The following CDK8 variants were observed in gnomAD, a reference collection of about 807,000 sequenced individuals.
The protein encoded by CDK8 is cyclin-dependent kinase 8.
In CDK8, 29 loss-of-function variants were observed where a neutral mutation model predicts 71.5. That is an observed-to-expected ratio of 0.41 (90% CI 0.30 to 0.55). The LOEUF is 0.55. CDK8 is among the 20% of genes least tolerant of loss of function. CDK8 has a pLI of 0.37. For synonymous variants in CDK8, 161 were observed against 192.1 expected, an observed-to-expected ratio of 0.84 and a Z score of 1.34; for missense variants, 288 against 572.6, an observed-to-expected ratio of 0.50 and a Z score of 5.07.
intron 9 of CDK8, among the ~76,000 whole-genome samples, chr13:26,398,570 T>G (rs1019763110): frequency 2.6e-5 from 4 of 152,208 alleles, no homozygotes; most frequent in African/African-American, 9.7e-5. Flanking sequence ...AATAGCAAAT[T>G]CAGGCCTTTC....
intron 1 of CDK8, among the ~76,000 whole-genome samples, chr13:26,263,749 C>CTT (rs577266586): frequency 3.0e-5 from 4 of 131,928 alleles, no homozygotes; most frequent in Admixed American, 1.5e-4. Flanking sequence ...AAAAGACTCC[C>CTT]TTTTTTTTTT....
intron 1 of CDK8, among the ~76,000 whole-genome samples, chr13:26,276,122 A>G (rs778614719): frequency 2.0e-5 from 3 of 152,186 alleles, no homozygotes. Context: ...CGGCCTCCCA[A>G]AGTGCTGGGA....
At chr13:26,372,629 G>A (rs956819089) in intron 4 of CDK8, among the ~76,000 whole-genome samples, 3 of 152,150 alleles carry the variant, frequency 2.0e-5, no homozygotes, top group African/African-American at 7.2e-5. Flanking sequence ...TGCACTGACA[G>A]TATAATGCAG....
At chr13:26,270,466 A>G (rs1297579792) in intron 1 of CDK8, among the ~76,000 whole-genome samples, 5 of 151,854 alleles carry the variant, frequency 3.3e-5, no homozygotes, top group Non-Finnish European at 7.4e-5. Context: ...TTGTGCAGCT[A>G]TTACCGCAAT....
chr13:26,365,908 A>G lies in CDK8; in HGVS notation c.456+12028A>G, dbSNP rs556448744. Among the ~76,000 whole-genome samples the G allele has an allele frequency of 5.9e-5, 9 of 152,176 alleles. No individual in the cohort carries two copies. The South Asian group carries it at 1.9e-3, about 32-fold the overall frequency. On this transcript the variant is annotated intron_variant, in intron 4 of 12. Coordinates refer to ENST00000381527, the MANE Select transcript of CDK8 (RefSeq NM_001260.3). ...GGACTTTCACATTAGCAAAACAAATATATCACAATACCAAGAAACTCTCTC... is the reference window on the plus strand; with the variant it reads ...GGACTTTCACATTAGCAAAACAAATGTATCACAATACCAAGAAACTCTCTC...
chr13:26,379,369 C>T (rs888144669), intron 4 of CDK8, among the ~76,000 whole-genome samples: 1 of 152,092 alleles, frequency 6.6e-6, no homozygotes, highest in Non-Finnish European at 1.5e-5. Flanking sequence ...GAGCTTGGGC[C>T]CCAAACTCTA....
At chr13:26,319,393 C>T (rs1009010290) in intron 1 of CDK8, among the ~76,000 whole-genome samples, 1 of 151,522 alleles carries the variant, frequency 6.6e-6, no homozygotes, top group Admixed American at 6.6e-5. Flanking sequence ...TGCTTGAACT[C>T]GGGAGGCGGA....
chr13:26,306,869 T>G (rs1874068345), intron 1 of CDK8, among the ~76,000 whole-genome samples: 2 of 152,128 alleles, frequency 1.3e-5, no homozygotes, highest in Admixed American at 1.3e-4. Flanking sequence ...CCTCAAGTGA[T>G]CTGCCTGCCT....
chr13:26,383,571 G>A (rs961913772), intron 5 of CDK8, among the ~76,000 whole-genome samples: 2 of 151,892 alleles, frequency 1.3e-5, no homozygotes, highest in Non-Finnish European at 2.9e-5. Flanking sequence ...TTGTGTATTT[G>A]TAGAAGAAAT....
intron 4 of CDK8, 62 bp downstream of exon 4, chr13:26,353,942 T>C: frequency 7.0e-7 from 1 of 1,433,968 alleles, no homozygotes; most frequent in Non-Finnish European, 9.8e-7. Context: ...ACTTTTCTAG[T>C]CGTCTGTAGA....
chr13:26,338,982 G>GAA (rs60219211), intron 2 of CDK8, among the ~76,000 whole-genome samples: 2 of 151,890 alleles, frequency 1.3e-5, no homozygotes, highest in Non-Finnish European at 2.9e-5. Flanking sequence ...TTTTTTATTA[G>GAA]AAAAAAACTC....
chr13:26,298,557 C>G (rs1186424465), intron 1 of CDK8, among the ~76,000 whole-genome samples: 1 of 152,044 alleles, frequency 6.6e-6, no homozygotes, highest in African/African-American at 2.4e-5. Context: ...ACACAAAATT[C>G]AGTTTTTTCC....
At position 26,346,196 on chromosome 13, in the gene CDK8, G is replaced by A. The variant is rs570901162; in HGVS notation, c.205-2876G>A. Among the ~76,000 whole-genome samples, 3 of 152,218 alleles carry A rather than the reference G, an allele frequency of 2.0e-5. No homozygotes were observed. The South Asian group carries it at 6.2e-4, about 32-fold the overall frequency. ...CCCTGTTTTCTCGTTTGTAAAATAG[G>A]GGTTATATAAATATTTCATGGGGCT... On this transcript the variant is annotated intron_variant, in intron 2 of 12. Transcript: ENST00000381527.
rs1281021071 is a variant in CDK8, at chr13:26,254,165, G to A, written c.-477G>A. ...GGCTGTTGTGCGGCTCTGCCCTTCT[G>A]TTTGAGTGTATGGGAGAGTGAGTGA... On this transcript the variant is annotated 5_prime_UTR_variant, in exon 1 of 13. Transcript: ENST00000381527. This position sits in a 1 kb window ranked among gnomAD's most constrained non-coding sequence, Gnocchi z 6.7. 1 of 232,894 alleles carries A rather than the reference G, an allele frequency of 4.3e-6. No homozygotes were observed. Among genetic ancestry groups the A allele is most frequent in the Non-Finnish European group, 8.5e-6 (1 of 117,754 alleles). The allele number at this position is 232,894 out of a possible 1,614,324, so 14.4% of individuals were successfully genotyped here. A position where few individuals can be genotyped will look rare whatever the true frequency, so the allele number is the denominator to read the frequency against.
At chr13:26,391,220 A>G (rs1593308873) in intron 6 of CDK8, among the ~76,000 whole-genome samples, 1 of 152,030 alleles carries the variant, frequency 6.6e-6, no homozygotes, top group Admixed American at 6.6e-5. Context: ...GCAAGGTTCA[A>G]TAAGTTATTT....
intron 1 of CDK8, among the ~76,000 whole-genome samples, chr13:26,322,475 G>C (rs1874820244): frequency 6.6e-6 from 1 of 151,994 alleles, no homozygotes; most frequent in African/African-American, 2.4e-5. Flanking sequence ...TAATTACAGT[G>C]AGTCCTTAAT....
intron 6 of CDK8, among the ~76,000 whole-genome samples, chr13:26,388,761 C>G (rs1875598800): frequency 6.6e-6 from 1 of 152,176 alleles, no homozygotes; most frequent in Non-Finnish European, 1.5e-5. Context: ...GAGTGTGCCA[C>G]AAATCTAAAC....
At chr13:26,400,379 A>ATC (rs1400490540) in intron 9 of CDK8, 74 bp from the exon 10 acceptor site, 1 of 887,562 alleles carries the variant, frequency 1.1e-6, no homozygotes, top group African/African-American at 1.7e-5. Flanking sequence ...AAAAATATAT[A>ATC]TCGTCTTCAC....
intron 1 of CDK8, among the ~76,000 whole-genome samples, chr13:26,321,432 G>A (rs760388771): frequency 6.6e-5 from 10 of 151,750 alleles, no homozygotes; most frequent in Admixed American, 6.6e-4. Context: ...CTTTACACAA[G>A]GTGAAAAGTG....
Sources: gnomAD v4.1 joint callset for allele counts (sites outside exome capture counted in the v4.1 genomes callset) on GRCh38, gnomAD v4.1.1 for gene constraint, Gnocchi (gnomAD v3.1) non-coding constraint, MANE v1.5 for transcripts, NCBI Gene and HGNC (gene_info 2026-07-23, HGNC 2026-07-21) for gene names.